MRTFA: variants seen among roughly 807,000 people sequenced by gnomAD.
MRTFA encodes myocardin related transcription factor A.
MRTFA carries 20 observed loss-of-function variants against 83.5 expected under a neutral mutation model. The ratio of observed to expected loss-of-function variants is 0.24; its 90% CI spans 0.17 to 0.35. MRTFA has a LOEUF of 0.35. Among genes scored for constraint, MRTFA ranks in the 10% least tolerant of loss-of-function variants. MRTFA has a pLI of 1.00. For synonymous variants in MRTFA, 659 were observed against 541.2 expected, an observed-to-expected ratio of 1.22 and a Z score of -3.02; for missense variants, 1,200 against 1,224.7, an observed-to-expected ratio of 0.98 and a Z score of 0.30.
rs924223647 is a variant in MRTFA, at chr22:40,459,368, T to G, written c.307+3853A>C. Among the ~76,000 whole-genome samples, 15 of 152,014 alleles carry G rather than the reference T, an allele frequency of 9.9e-5. No homozygotes were observed. The East Asian group carries it at 2.5e-3, about 26-fold the overall frequency. Reference sequence around the variant, plus strand: ...TATTCCCAGTCCTCAACATTCTCTCTCATAATCTAAGCATTTCTTACCTAC... The same window carrying G: ...TATTCCCAGTCCTCAACATTCTCTCGCATAATCTAAGCATTTCTTACCTAC... On this transcript the variant is annotated intron_variant, in intron 4 of 14. Transcript: ENST00000355630.
intron 3 of MRTFA, among the ~76,000 whole-genome samples, chr22:40,503,663 A>T (rs2054533956): frequency 6.6e-6 from 1 of 152,210 alleles, no homozygotes; most frequent in African/African-American, 2.4e-5. Flanking sequence ...GCAGTGGCTC[A>T]CGCCTGTAAT....
rs775801159 is a variant in MRTFA, at chr22:40,420,448, G to A, written c.1310C>T (p.Thr437Ile). The A allele has an allele frequency of 2.5e-6, 4 of 1,613,742 alleles. No individual in the cohort carries two copies. The highest frequency in any genetic ancestry group is 3.4e-6 in the Non-Finnish European group (4 of 1,180,024). Residue 437 changes from threonine to isoleucine, a missense_variant, in exon 11 of 15, where the codon ACT (threonine) becomes ATT (isoleucine). This residue lies in a region of MRTFA where 1,107 missense variants were observed against 1,041.8 expected (regional missense o/e 1.06). Coordinates refer to ENST00000355630, the MANE Select transcript of MRTFA (RefSeq NM_020831.6). ...GGCCGGCAGGGCTCCCGGCTTGCCAGTCAGTGAGGTGCTGTTCTGACGTGC... is the reference window on the plus strand; with the variant it reads ...GGCCGGCAGGGCTCCCGGCTTGCCAATCAGTGAGGTGCTGTTCTGACGTGC...
chr22:40,501,802 A>G (rs1235372598), intron 3 of MRTFA, among the ~76,000 whole-genome samples: 23 of 42,036 alleles, frequency 5.5e-4, no homozygotes, highest in African/African-American at 1.5e-3. Flanking sequence ...GGCCGGGTGG[A>G]GGGCTGACCC....
intron 4 of MRTFA, chr22:40,436,353 G>A (rs2053169639): frequency 6.5e-6 from 1 of 154,358 alleles, no homozygotes; most frequent in Non-Finnish European, 1.5e-5. Flanking sequence ...AAACCAAAAA[G>A]ATATATGTCC....
rs577327707 is a variant in MRTFA, at chr22:40,586,101, T to C, written c.-22+8573A>G. On this transcript the variant is annotated intron_variant, in intron 2 of 14. Transcript: ENST00000355630. ...CCACAGCCAAAAATGTTGAGAAACA[T>C]TGCCCTAGAGACTGATAAAATGGTA... Among the ~76,000 whole-genome samples, 54 of 152,302 alleles carry C rather than the reference T, an allele frequency of 3.5e-4. 1 individual carries two copies. The South Asian group carries it at 9.7e-3, about 27-fold the overall frequency.
At chr22:40,463,997 T>C (rs978166314) in intron 3 of MRTFA, among the ~76,000 whole-genome samples, 1 of 152,010 alleles carries the variant, frequency 6.6e-6, no homozygotes, top group African/African-American at 2.4e-5. Context: ...GGATTTTTTT[T>C]AAGTTAAAAA....
chr22:40,590,035 A>C (rs1001972566), intron 2 of MRTFA, among the ~76,000 whole-genome samples: 2 of 152,110 alleles, frequency 1.3e-5, no homozygotes. Flanking sequence ...AAAAAAAAAA[A>C]AAAACTTCAC....
At chr22:40,478,528 G>A (rs1483359164) in intron 3 of MRTFA, among the ~76,000 whole-genome samples, 2 of 152,120 alleles carry the variant, frequency 1.3e-5, no homozygotes, top group South Asian at 2.1e-4. Context: ...TCTCTCACTA[G>A]AGAGCAAACT....
intron 1 of MRTFA, among the ~76,000 whole-genome samples, chr22:40,629,952 T>C (rs1213882078): frequency 6.6e-6 from 1 of 151,858 alleles, no homozygotes; most frequent in Non-Finnish European, 1.5e-5. Flanking sequence ...GGGCCCACAC[T>C]AATACCTAGA....
At chr22:40,591,468 C>T (rs529977958) in intron 2 of MRTFA, among the ~76,000 whole-genome samples, 2 of 152,054 alleles carry the variant, frequency 1.3e-5, no homozygotes, top group African/African-American at 2.4e-5. Context: ...ACGTGCAATA[C>T]GCAGAGTGGT....
At chr22:40,414,758 G>A (rs2052639937) in intron 14 of MRTFA, among the ~76,000 whole-genome samples, 1 of 152,202 alleles carries the variant, frequency 6.6e-6, no homozygotes, top group Non-Finnish European at 1.5e-5. Context: ...GTTTCCTTAT[G>A]GGGTGATGAA....
chr22:40,576,519 G>A (rs1423718483), intron 2 of MRTFA, among the ~76,000 whole-genome samples: 1 of 152,024 alleles, frequency 6.6e-6, no homozygotes, highest in Non-Finnish European at 1.5e-5. Context: ...ACCTTTTAAA[G>A]GGATAATGCA....
At chr22:40,430,088 T>G (rs1219769037) in intron 6 of MRTFA, among the ~76,000 whole-genome samples, 1 of 152,172 alleles carries the variant, frequency 6.6e-6, no homozygotes. Flanking sequence ...AAACTTGCTG[T>G]GTTACTGAGG....
chr22:40,460,191 C>T (rs986459681), intron 4 of MRTFA, among the ~76,000 whole-genome samples: 15 of 152,072 alleles, frequency 9.9e-5, no homozygotes, highest in Non-Finnish European at 2.2e-4. Flanking sequence ...TCCCAAAGTG[C>T]TGGGATTATA....
chr22:40,582,736 G>T (rs951426788), intron 2 of MRTFA, among the ~76,000 whole-genome samples: 7 of 151,674 alleles, frequency 4.6e-5, no homozygotes, highest in African/African-American at 1.5e-4. Flanking sequence ...TGATTCCCTG[G>T]GAAACTGCAC....
chr22:40,607,274 G>C (rs1313004113), intron 1 of MRTFA, among the ~76,000 whole-genome samples: 1 of 152,158 alleles, frequency 6.6e-6, no homozygotes, highest in Non-Finnish European at 1.5e-5. Flanking sequence ...GGAGGCCGAG[G>C]AGTGCAGATC....
intron 1 of MRTFA, among the ~76,000 whole-genome samples, chr22:40,595,799 C>T (rs2056183663): frequency 6.7e-6 from 1 of 149,092 alleles, no homozygotes; most frequent in African/African-American, 2.5e-5. Context: ...TGGAGAAAGT[C>T]TTTCCAGGCA....
chr22:40,434,766 C>T (rs1012174616), intron 5 of MRTFA, among the ~76,000 whole-genome samples: 4 of 152,108 alleles, frequency 2.6e-5, no homozygotes, highest in Admixed American at 1.3e-4. Flanking sequence ...TAAGGAGATG[C>T]AGCCCATGAT....
chr22:40,572,110 G>T (rs1426401828), intron 2 of MRTFA, among the ~76,000 whole-genome samples: 1 of 151,910 alleles, frequency 6.6e-6, no homozygotes, highest in African/African-American at 2.4e-5. Context: ...CGGACAAACT[G>T]GAGTTCACGT....
Sources: allele counts gnomAD v4.1 joint callset (sites outside exome capture counted in the v4.1 genomes callset), GRCh38; gene constraint gnomAD v4.1.1; regional missense constraint gnomAD v4.1.1; transcripts MANE v1.5; gene names NCBI Gene and HGNC (gene_info 2026-07-23, HGNC 2026-07-21).